Variants in TP53BP1 observed in about 807,000 individuals in gnomAD.
TP53BP1 encodes tumor protein p53 binding protein 1, also known as TP53-binding protein 1.
A neutral mutation model predicts 200.8 loss-of-function variants in TP53BP1; 61 were observed. That is an observed-to-expected ratio of 0.30 (90% CI 0.25 to 0.38). The LOEUF is 0.38. Ranked by LOEUF, TP53BP1 falls within the 10% of genes least tolerant of loss-of-function variation. The pLI, the probability that TP53BP1 is intolerant of heterozygous loss-of-function variation, is 1.00. For synonymous variants in TP53BP1, 822 were observed against 844.3 expected (o/e 0.97, Z 0.46); for missense variants, 2,144 against 2,371.9 (o/e 0.90, Z 2.00).
chr15:43,441,431 T>C, intron 15 of TP53BP1, 95 bp downstream of exon 15: 1 of 831,316 alleles, frequency 1.2e-6, no homozygotes. Flanking sequence ...CATTTTAACT[T>C]TCTCATTTTA....
At chr15:43,437,019 C>T (rs1288836993) in intron 16 of TP53BP1, among the ~76,000 whole-genome samples, 1 of 151,766 alleles carries the variant, frequency 6.6e-6, no homozygotes, top group Non-Finnish European at 1.5e-5. Context: ...ATTAGCCAGA[C>T]ACGGCAGCAC....
intron 13 of TP53BP1, 136 bp from the exon 14 acceptor site, chr15:43,446,726 C>T: frequency 6.6e-7 from 1 of 1,520,090 alleles, no homozygotes. Context: ...AGGATAGATC[C>T]CTGTCATAAG....
chr15:43,405,927 C>T lies in TP53BP1; in HGVS notation c.*1456G>A, dbSNP rs2044854436. On this transcript the variant is annotated 3_prime_UTR_variant, in exon 28 of 28. Coordinates refer to ENST00000382044, the MANE Select transcript of TP53BP1 (RefSeq NM_001141980.3). ...TGGTGGCATGTGCCTGTAATCCCAG[C>T]TACTCAGGAGGCTGAGACAGGAGAA... 1 of 151,100 alleles carries T rather than the reference C, an allele frequency of 6.6e-6. No individual in the cohort carries two copies. Among genetic ancestry groups the T allele is most frequent in the Non-Finnish European group, 1.5e-5 (1 of 67,998 alleles). 9.4% of individuals were successfully genotyped at this position (151,100 alleles called of 1,614,324 possible). A position where few individuals can be genotyped will look rare whatever the true frequency, so the allele number is the denominator to read the frequency against.
chr15:43,425,968 G>A (rs2045519751), intron 18 of TP53BP1, among the ~76,000 whole-genome samples: 1 of 151,696 alleles, frequency 6.6e-6, no homozygotes, highest in Admixed American at 6.6e-5. Context: ...GGGAGGCTGA[G>A]GCAGGAGAAT....
At chr15:43,418,334 C>T (rs374730229) in intron 21 of TP53BP1, among the ~76,000 whole-genome samples, 84 of 150,338 alleles carry the variant, frequency 5.6e-4, no homozygotes, top group African/African-American at 1.9e-3. Flanking sequence ...CCCATCTCTA[C>T]GAAAAACACA....
At chr15:43,481,343 G>A (rs574035951) in intron 4 of TP53BP1, among the ~76,000 whole-genome samples, 1 of 151,848 alleles carries the variant, frequency 6.6e-6, no homozygotes, top group Non-Finnish European at 1.5e-5. Context: ...CACAGAAAGG[G>A]CTCAAAAAAC....
chr15:43,487,068 T>C (rs2079056690), intron 4 of TP53BP1, among the ~76,000 whole-genome samples: 1 of 152,140 alleles, frequency 6.6e-6, no homozygotes. Flanking sequence ...GCAAAATACA[T>C]ATTCTACAAA....
In TP53BP1 at chr15:43,407,388, G is replaced by A. The variant is rs1200209660; in HGVS notation, c.5929C>T (p.His1977Tyr). 1.2e-6 allele frequency: 2 copies of A among 1,613,988 alleles called. No homozygotes were observed. Among genetic ancestry groups the A allele is most frequent in the South Asian group, 1.1e-5 (1 of 91,062 alleles). ...HPKYKHDYVSH is the reference protein window; with the variant it reads ...HPKYKHDYVSY Reference sequence around the variant, plus strand: ...ACCAGTAAGACCAAGTATCTTTAGTGAGAAACATAATCGTGTTTATATTTT... The same window carrying A: ...ACCAGTAAGACCAAGTATCTTTAGTAAGAAACATAATCGTGTTTATATTTT... The change falls in exon 28 of 28, where the codon CAC (histidine) becomes TAC (tyrosine). Residue 1977 changes from histidine (H) to tyrosine (Y), a missense_variant. His to Tyr is a moderately conservative substitution (Grantham distance 83). Coordinates refer to ENST00000382044, the MANE Select transcript of TP53BP1 (RefSeq NM_001141980.3).
At position 43,404,800 on chromosome 15, in the gene TP53BP1, T is replaced by C. The variant is rs185383108; in HGVS notation, c.*2583A>G. 5.8e-6 allele frequency: 3 copies of C among 515,318 alleles called. No homozygotes were observed. Among genetic ancestry groups the C allele is most frequent in the Non-Finnish European group, 1.0e-5 (3 of 294,068 alleles). 31.9% of individuals were successfully genotyped at this position (515,318 alleles called of 1,614,324 possible). A position where few individuals can be genotyped will look rare whatever the true frequency, so the allele number is the denominator to read the frequency against. On this transcript the variant is annotated 3_prime_UTR_variant, in exon 28 of 28. Transcript: ENST00000382044. ...GTTAAGTCCTTTGCTAGGTTATGTATTGCTATGCTGGGAGGCAGTGGGCCT... is the reference window on the plus strand; with the variant it reads ...GTTAAGTCCTTTGCTAGGTTATGTACTGCTATGCTGGGAGGCAGTGGGCCT...
intron 23 of TP53BP1, 65 bp downstream of exon 23, chr15:43,415,529 T>A: frequency 6.4e-7 from 1 of 1,562,344 alleles, no homozygotes; most frequent in Non-Finnish European, 8.8e-7. Flanking sequence ...GCTCCATTTT[T>A]CCAGCAGCTG....
chr15:43,426,853 CAA>C (rs748731821), intron 18 of TP53BP1, among the ~76,000 whole-genome samples: 20 of 118,828 alleles, frequency 1.7e-4, no homozygotes, highest in Admixed American at 1.7e-4. Flanking sequence ...ACTAGAAATA[CAA>C]AAAAAAAAAA....
rs28903075 is a variant in TP53BP1 at position 43,456,358 on chromosome 15, A to T, written c.2250T>A (p.Ala750=). Residue 750 remains alanine (A), a synonymous_variant, in exon 12 of 28, where the codon GCT becomes GCA. Coordinates refer to ENST00000382044, the MANE Select transcript of TP53BP1 (RefSeq NM_001141980.3). ...DQELEHKEQE[A]WEEATSEDSS... is the part of the protein sequence containing the mutation. The stretch of plus-strand genomic sequence containing the variant: ...AGTCCTCTGAAGTAGCTTCTTCCCA[A>T]GCTTCCTGTTCCTTATGTTCCAATT... 9,341 of 1,612,350 alleles carry T rather than the reference A, an allele frequency of 5.8e-3. 42 individuals carry two copies. The highest frequency in any genetic ancestry group is 6.4e-3 in the Non-Finnish European group (7,575 of 1,179,550).
rs549104911 is a variant in TP53BP1, at chr15:43,470,120, A to AC, written c.1181-55_1181-54insG. The AC allele has an allele frequency of 9.6e-5, 137 of 1,429,338 alleles. No individual in the cohort carries two copies. The East Asian group carries it at 3.1e-3, about 32-fold the overall frequency. The allele number at this position is 1,429,338 out of a possible 1,614,324, so 88.5% of individuals were successfully genotyped here. ...GAAATATCACTCATCAATATTACTC[A>AC]TGTTCCAAAACCACTAAGAACAATT... is the stretch of plus-strand genomic sequence containing the variant. On this transcript the variant is annotated intron_variant, in intron 10 of 27. Transcript: ENST00000382044.
intron 4 of TP53BP1, among the ~76,000 whole-genome samples, chr15:43,487,552 G>A (rs1451608564): frequency 1.3e-5 from 2 of 152,198 alleles, no homozygotes; most frequent in African/African-American, 4.8e-5. Flanking sequence ...CAGCACTTTG[G>A]GAGGCTGAGG....
chr15:43,458,130 C>T (rs1247728193), intron 11 of TP53BP1, among the ~76,000 whole-genome samples: 1 of 151,906 alleles, frequency 6.6e-6, no homozygotes, highest in Non-Finnish European at 1.5e-5. Context: ...CCACTACACG[C>T]AACAAAAGCA....
intron 11 of TP53BP1, among the ~76,000 whole-genome samples, chr15:43,463,160 C>G (rs1260159141): frequency 3.3e-5 from 5 of 152,178 alleles, no homozygotes; most frequent in African/African-American, 1.2e-4. Flanking sequence ...ATTTAATTGT[C>G]TAATTTGTCC....
In TP53BP1 at chr15:43,415,632, G is replaced by C; in HGVS notation, c.5051C>G (p.Pro1684Arg). Residue 1684 changes from proline (P) to arginine (R), a missense_variant, in exon 23 of 28, where the codon CCT (proline) becomes CGT (arginine). By Grantham distance (103) the Pro-to-Arg change is moderately radical (BLOSUM62 -2). Coordinates refer to ENST00000382044, the MANE Select transcript of TP53BP1 (RefSeq NM_001141980.3). ...GGCAGACTTGCGACCTCGCTTGGCA[G>C]GGGACCGTTCCTCTTCAGAAGTGAT... ...KLITSEEERS[P>R]AKRGRKSATV... is the part of the protein sequence containing the mutation. The C allele has an allele frequency of 6.2e-7, 1 of 1,614,216 alleles. No individual in the cohort carries two copies. The highest frequency in any genetic ancestry group is 2.2e-5 in the East Asian group (1 of 44,894).
intron 12 of TP53BP1, among the ~76,000 whole-genome samples, chr15:43,452,294 G>T (rs369427669): frequency 6.6e-6 from 1 of 151,540 alleles, no homozygotes. Context: ...GGCTGAGCAC[G>T]GTGGCTCATA....
rs1436478612 is a variant in TP53BP1 at position 43,438,317 on chromosome 15, T to C, written c.3191+7A>G. The C allele has an allele frequency of 3.1e-6, 5 of 1,611,984 alleles. No individual in the cohort carries two copies. The highest frequency in any genetic ancestry group is 4.2e-6 in the Non-Finnish European group (5 of 1,179,126). ...AGCCCAAAAGATTCTATAAAAATAATGCTTACCTGATGGGTGTGGTGGGGG... is the reference window on the plus strand; with the variant it reads ...AGCCCAAAAGATTCTATAAAAATAACGCTTACCTGATGGGTGTGGTGGGGG... On this transcript the variant is annotated splice_region_variant and intron_variant, in intron 16 of 27. Coordinates refer to ENST00000382044, the MANE Select transcript of TP53BP1 (RefSeq NM_001141980.3).
Sources: gnomAD v4.1 joint callset for allele counts (sites outside exome capture counted in the v4.1 genomes callset) on GRCh38, gnomAD v4.1.1 for gene constraint, MANE v1.5 for transcripts, NCBI Gene and HGNC (gene_info 2026-07-23, HGNC 2026-07-21) for gene names.